The following PNMA2 variants were observed in gnomAD, a reference collection of about 807,000 sequenced individuals.
PNMA2 encodes the protein PNMA family member 2.
For missense variants in PNMA2, 455 were observed against 452.9 expected (o/e 1.00, Z -0.04); for synonymous variants, 175 against 183.5 (o/e 0.95, Z 0.38).
At position 26,508,241 on chromosome 8, in the gene PNMA2, G is replaced by A; in HGVS notation, c.515C>T (p.Ala172Val). Reference sequence around the variant, plus strand: ...GGACTCTTCCTCTGGGGCTGGGACAGCACTCCCTGAGAATACTCGCAGTTT... The same window carrying A: ...GGACTCTTCCTCTGGGGCTGGGACAACACTCCCTGAGAATACTCGCAGTTT... ...YRKLRVFSGSAVPAPEEESFE... is the reference protein window; with the variant it reads ...YRKLRVFSGSVVPAPEEESFE... The change falls in exon 3 of 3, where the codon GCT becomes GTT. Residue 172 changes from alanine (A) to valine (V), a missense_variant. Physicochemically the swap from Ala to Val is moderately conservative, Grantham distance 64. Coordinates refer to ENST00000522362, the MANE Select transcript of PNMA2 (RefSeq NM_007257.6). The surrounding 1 kb of genome is among the most constrained non-coding windows in gnomAD (Gnocchi z 5.5). 2 of 1,604,264 alleles carry A rather than the reference G, an allele frequency of 1.2e-6. No individual in the cohort carries two copies. Among genetic ancestry groups the A allele is most frequent in the Non-Finnish European group, 1.7e-6 (2 of 1,174,946 alleles).
chr8:26,513,096 TCA>T (rs1808193303), intron 1 of PNMA2: 1 of 144,402 alleles, frequency 6.9e-6, no homozygotes, highest in Admixed American at 7.1e-5. Flanking sequence ...GAAGGGGGTT[TCA>T]GTTTGTTTTT....
In PNMA2 at chr8:26,508,548, G is replaced by A. The variant is rs1339823807; in HGVS notation, c.208C>T (p.Leu70=). The change falls in exon 3 of 3, where the codon CTG becomes TTG. Residue 70 remains leucine (L), a synonymous_variant. Transcript: ENST00000522362. This position sits in a 1 kb window ranked among gnomAD's most constrained non-coding sequence, Gnocchi z 5.5. ...ATGGCCGAGACATCAGTATCTTCCA[G>A]AAGCTCTAGTAAGACAGCATTGGCA... ...ENANAVLLEL[L]EDTDVSAIPS... 6.2e-7 allele frequency: 1 copy of A among 1,614,154 alleles called. No homozygotes were observed.
In PNMA2 at chr8:26,507,789, T is replaced by TG; in HGVS notation, c.966dup (p.Ser323GlnfsTer4). 1.2e-6 allele frequency: 2 copies of TG among 1,613,834 alleles called. No individual in the cohort carries two copies. The highest frequency in any genetic ancestry group is 1.7e-6 in the Non-Finnish European group (2 of 1,179,906). On this transcript the variant is annotated frameshift_variant, in exon 3 of 3. Transcript: ENST00000522362. LOFTEE classifies it low-confidence loss of function (END_TRUNC). ...ATTACCTTCATTAGCTCAAGGAAGCTGGGGGGCGGGCCCTGATCCTTCAGC... is the reference window on the plus strand; with the variant it reads ...ATTACCTTCATTAGCTCAAGGAAGCTGGGGGGGCGGGCCCTGATCCTTCAGC...
rs921776131 is a variant in PNMA2 at position 26,506,639 on chromosome 8, G to A, written c.*1022C>T. ...CAACAACAACAACAAAAATCTGCAG[G>A]CAGAGGTGGTCCTATTCACTGGGTG... On this transcript the variant is annotated 3_prime_UTR_variant, in exon 3 of 3. Transcript: ENST00000522362. The surrounding 1 kb of genome is among the most constrained non-coding windows in gnomAD (Gnocchi z 4.4). The A allele has an allele frequency of 2.6e-5, 4 of 152,444 alleles. No homozygotes were observed. Among genetic ancestry groups the A allele is most frequent in the African/African-American group, 9.6e-5 (4 of 41,470 alleles). 9.4% of individuals were successfully genotyped at this position (152,444 alleles called of 1,614,324 possible).
chr8:26,507,920 G>A lies in PNMA2; in HGVS notation c.836C>T (p.Ala279Val). The change falls in exon 3 of 3, where the codon GCG becomes GTG. Residue 279 changes from alanine to valine, a missense_variant. Coordinates refer to ENST00000522362, the MANE Select transcript of PNMA2 (RefSeq NM_007257.6). ...CCGAGGGATGGCGCGTTTCTCCACCGCTCTCCGGAGCAGGGTTTCTAGCCG... is the reference window on the plus strand; with the variant it reads ...CCGAGGGATGGCGCGTTTCTCCACCACTCTCCGGAGCAGGGTTTCTAGCCG... ...VLRLETLLRR[A>V]VEKRAIPRRI... 2.5e-6 allele frequency: 4 copies of A among 1,614,076 alleles called. No individual in the cohort carries two copies. Among genetic ancestry groups the A allele is most frequent in the Non-Finnish European group, 3.4e-6 (4 of 1,180,038 alleles).
In PNMA2 at chr8:26,507,373, C is replaced by T; in HGVS notation, c.*288G>A. ...TGAGCCTGAGCCTGGGAAGTCAAGG[C>T]TGCAGTGAGCCGAGATTTTTGTGCC... On this transcript the variant is annotated 3_prime_UTR_variant, in exon 3 of 3. Transcript: ENST00000522362. 1 of 268,994 alleles carries T rather than the reference C, an allele frequency of 3.7e-6. No homozygotes were observed. The highest frequency in any genetic ancestry group is 6.9e-6 in the Non-Finnish European group (1 of 144,870). 16.7% of individuals were successfully genotyped at this position (268,994 alleles called of 1,614,324 possible).
Position 26,507,861 on chromosome 8 carries a change from T to C in PNMA2, c.895A>G (p.Met299Val), listed in dbSNP as rs773413867. 11 of 1,614,024 alleles carry C rather than the reference T, an allele frequency of 6.8e-6. No individual in the cohort carries two copies. The highest frequency in any genetic ancestry group is 3.3e-5 in the South Asian group (3 of 91,084). ...IADQVRLEQV[M>V]AGATLNQMLW... Reference sequence around the variant, plus strand: ...ATCTGGTTAAGAGTGGCCCCAGCCATGACCTGCTCCAGGCGGACCTGGTCC... The same window carrying C: ...ATCTGGTTAAGAGTGGCCCCAGCCACGACCTGCTCCAGGCGGACCTGGTCC... The change falls in exon 3 of 3, where the codon ATG (methionine) becomes GTG (valine). Residue 299 changes from methionine (M) to valine (V), a missense_variant. Coordinates refer to ENST00000522362, the MANE Select transcript of PNMA2 (RefSeq NM_007257.6).
chr8:26,506,477 C>T lies in PNMA2; in HGVS notation c.*1184G>A, dbSNP rs1366908435. On this transcript the variant is annotated 3_prime_UTR_variant, in exon 3 of 3. Transcript: ENST00000522362. The surrounding 1 kb of genome is among the most constrained non-coding windows in gnomAD (Gnocchi z 4.4). ...TGGGGACACCTCTCAGGCTGTGGAC[C>T]TCTGGAAAGTAAAGCTTAGGTTGAG... 6.6e-6 allele frequency: 1 copy of T among 152,234 alleles called. No homozygotes were observed. The highest frequency in any genetic ancestry group is 2.4e-5 in the African/African-American group (1 of 41,424). The allele number at this position is 152,234 out of a possible 1,614,324, so 9.4% of individuals were successfully genotyped here. A position where few individuals can be genotyped will look rare whatever the true frequency, so the allele number is the denominator to read the frequency against.
chr8:26,509,156 C>T lies in PNMA2; in HGVS notation c.-401G>A, dbSNP rs1808104379. The T allele has an allele frequency of 5.5e-6, 1 of 182,302 alleles. No individual in the cohort carries two copies. Among genetic ancestry groups the T allele is most frequent in the South Asian group, 2.0e-4 (1 of 5,094 alleles). 11.3% of individuals were successfully genotyped at this position (182,302 alleles called of 1,614,324 possible). A position where few individuals can be genotyped will look rare whatever the true frequency, so the allele number is the denominator to read the frequency against. ...CACAGCCTCCTGGTCTCTGATGTTT[C>T]GTCTCTCTCCAGTTGATGGGAAAAT... On this transcript the variant is annotated 5_prime_UTR_variant, in exon 3 of 3. Coordinates refer to ENST00000522362, the MANE Select transcript of PNMA2 (RefSeq NM_007257.6). The surrounding 1 kb of genome is among the most constrained non-coding windows in gnomAD (Gnocchi z 5.7).
At position 26,507,720 on chromosome 8, in the gene PNMA2, T is replaced by C. The variant is rs1808067994; in HGVS notation, c.1036A>G (p.Ile346Val). The C allele has an allele frequency of 6.2e-7, 1 of 1,601,128 alleles. No individual in the cohort carries two copies. Among genetic ancestry groups the C allele is most frequent in the South Asian group, 1.1e-5 (1 of 88,114 alleles). ...EEEASFENES[I>V]EEPEERDGYG... ...CCATCTCGTTCCTCTGGCTCTTCGA[T>C]ACTCTCATTCTCAAAGGAGGCCTCT... is the stretch of plus-strand genomic sequence containing the variant. Residue 346 changes from isoleucine to valine, a missense_variant, in exon 3 of 3, where the codon ATC becomes GTC. Ile to Val is a conservative substitution (Grantham distance 29). Transcript: ENST00000522362.
intron 1 of PNMA2, among the ~76,000 whole-genome samples, chr8:26,511,382 A>AGGC (rs1016467390): frequency 6.6e-6 from 1 of 152,200 alleles, no homozygotes; most frequent in Non-Finnish European, 1.5e-5. Flanking sequence ...CCAGAGAGCC[A>AGGC]GGAGGGCAAA....
chr8:26,513,388 GCC>G (rs148272306), intron 1 of PNMA2, among the ~76,000 whole-genome samples: 18 of 141,100 alleles, frequency 1.3e-4, no homozygotes, highest in African/African-American at 3.7e-4. Context: ...CATGTTGTGT[GCC>G]CCCCCCCCAC....
In PNMA2 at chr8:26,509,946, G is replaced by C. The variant is rs1014947791; in HGVS notation, c.-618-269C>G. Among the ~76,000 whole-genome samples, 3 of 152,124 alleles carry C rather than the reference G, an allele frequency of 2.0e-5. No individual in the cohort carries two copies. Among genetic ancestry groups the C allele is most frequent in the African/African-American group, 7.3e-5 (3 of 41,356 alleles). ...AATTAATTCTCTTTTGTTGTGTCTGGAAGGCTTTGCAAACACACATTTGGG... is the reference window on the plus strand; with the variant it reads ...AATTAATTCTCTTTTGTTGTGTCTGCAAGGCTTTGCAAACACACATTTGGG... On this transcript the variant is annotated intron_variant, in intron 1 of 2. Coordinates refer to ENST00000522362, the MANE Select transcript of PNMA2 (RefSeq NM_007257.6). This position sits in a 1 kb window ranked among gnomAD's most constrained non-coding sequence, Gnocchi z 5.7.
At position 26,507,556 on chromosome 8, in the gene PNMA2, G is replaced by A; in HGVS notation, c.*105C>T. ...GGAGGGAAGGAAGGAAGGAAGGAAG[G>A]TCAATAATTGGCTTTCATGGTTTGA... On this transcript the variant is annotated 3_prime_UTR_variant, in exon 3 of 3. Transcript: ENST00000522362. 1.0e-6 allele frequency: 1 copy of A among 961,868 alleles called. No homozygotes were observed. Among genetic ancestry groups the A allele is most frequent in the Non-Finnish European group, 1.5e-6 (1 of 661,018 alleles). 59.6% of individuals were successfully genotyped at this position (961,868 alleles called of 1,614,324 possible). A position where few individuals can be genotyped will look rare whatever the true frequency, so the allele number is the denominator to read the frequency against.
Position 26,508,233 on chromosome 8 carries a change from C to T in PNMA2, c.523G>A (p.Ala175Thr). 1.2e-6 allele frequency: 2 copies of T among 1,605,906 alleles called. No homozygotes were observed. Among genetic ancestry groups the T allele is most frequent in the Non-Finnish European group, 8.5e-7 (1 of 1,175,728 alleles). Residue 175 changes from alanine (A) to threonine (T), a missense_variant, in exon 3 of 3, where the codon GCC (alanine) becomes ACC (threonine). Transcript: ENST00000522362. This position sits in a 1 kb window ranked among gnomAD's most constrained non-coding sequence, Gnocchi z 5.5. ...ACCTCAAAGGACTCTTCCTCTGGGG[C>T]TGGGACAGCACTCCCTGAGAATACT... ...LRVFSGSAVP[A>T]PEEESFEVWL...
rs1018600366 is a variant in PNMA2, at chr8:26,504,991, C to T, written c.*2670G>A. 2.7e-4 allele frequency: 41 copies of T among 152,458 alleles called. No homozygotes were observed. The highest frequency in any genetic ancestry group is 9.9e-4 in the African/African-American group (41 of 41,576). 9.4% of individuals were successfully genotyped at this position (152,458 alleles called of 1,614,324 possible). On this transcript the variant is annotated 3_prime_UTR_variant, in exon 3 of 3. Coordinates refer to ENST00000522362, the MANE Select transcript of PNMA2 (RefSeq NM_007257.6). Reference sequence around the variant, plus strand: ...AAGTAATTATTTAAAAGTCAAACCTCTAACAATTGTCAACAACTGCTGGAA... The same window carrying T: ...AAGTAATTATTTAAAAGTCAAACCTTTAACAATTGTCAACAACTGCTGGAA...
intron 1 of PNMA2, chr8:26,511,804 G>A (rs1423017551): frequency 6.6e-6 from 1 of 152,126 alleles, no homozygotes; most frequent in Non-Finnish European, 1.5e-5. Context: ...AAAACCAGCT[G>A]GGGGCAACCT....
Position 26,505,632 on chromosome 8 carries a change from G to A in PNMA2, c.*2029C>T, listed in dbSNP as rs995868388. 1 of 152,288 alleles carries A rather than the reference G, an allele frequency of 6.6e-6. No homozygotes were observed. Among genetic ancestry groups the A allele is most frequent in the African/African-American group, 2.4e-5 (1 of 41,460 alleles). The allele number at this position is 152,288 out of a possible 1,614,324, so 9.4% of individuals were successfully genotyped here. Reference sequence around the variant, plus strand: ...TCTGAAAATAAAAGTAAACCTGGTGGTGAATGCTGATGTGTTAAAATTTGG... The same window carrying A: ...TCTGAAAATAAAAGTAAACCTGGTGATGAATGCTGATGTGTTAAAATTTGG... On this transcript the variant is annotated 3_prime_UTR_variant, in exon 3 of 3. Transcript: ENST00000522362.
At chr8:26,513,337 T>C (rs1808203112) in intron 1 of PNMA2, among the ~76,000 whole-genome samples, 1 of 151,756 alleles carries the variant, frequency 6.6e-6, no homozygotes, top group Non-Finnish European at 1.5e-5. Context: ...TCTCTCTATA[T>C]TCCTCTCCCA....
Sources: gnomAD v4.1 joint callset for allele counts (sites outside exome capture counted in the v4.1 genomes callset) on GRCh38, gnomAD v4.1.1 for gene constraint, Gnocchi (gnomAD v3.1) non-coding constraint, MANE v1.5 for transcripts, NCBI Gene and HGNC (gene_info 2026-07-23, HGNC 2026-07-21) for gene names.